The following POLQ variants were observed in gnomAD, a reference collection of about 807,000 sequenced individuals.
POLQ encodes the protein DNA polymerase theta.
Under a neutral mutation model 259.2 loss-of-function variants are expected in POLQ, and 233 were observed. The observed-to-expected ratio is 0.90, with a 90% CI of 0.81 to 1.00. The LOEUF (loss-of-function observed/expected upper bound fraction) is 1.00. Among genes scored for constraint, POLQ ranks in the 50% least tolerant of loss-of-function variants. The pLI is 0.00. For synonymous variants in POLQ, 1,025 were observed against 1,048.8 expected, an observed-to-expected ratio of 0.98 and a Z score of 0.44; for missense variants, 2,871 against 3,051.6, an observed-to-expected ratio of 0.94 and a Z score of 1.39.
chr3:121,487,541 C>T lies in POLQ; in HGVS notation c.5390G>A (p.Ser1797Asn). ...TGAAAAGCTTGTGTCACTAATAGGG[C>T]TGTTGTCTTTGAACCCATTTCTACT... ...PGSRNGFKDN[S>N]PISDTSFSLQ... The change falls in exon 16 of 30, where the codon AGC becomes AAC. Residue 1797 changes from serine (S) to asparagine (N), a missense_variant. By Grantham distance (46) the Ser-to-Asn change is conservative. Coordinates refer to ENST00000264233, the MANE Select transcript of POLQ (RefSeq NM_199420.4). 1 of 1,613,988 alleles carries T rather than the reference C, an allele frequency of 6.2e-7. No homozygotes were observed. Among genetic ancestry groups the T allele is most frequent in the Non-Finnish European group, 8.5e-7 (1 of 1,179,892 alleles).
chr3:121,492,083 T>C (rs1289175435), intron 15 of POLQ, among the ~76,000 whole-genome samples: 1 of 148,592 alleles, frequency 6.7e-6, no homozygotes, highest in Non-Finnish European at 1.5e-5. Context: ...GGGCAAGAGA[T>C]ATGCAAGAGC....
At chr3:121,479,715 A>G (rs534906756) in intron 19 of POLQ, among the ~76,000 whole-genome samples, 1 of 152,236 alleles carries the variant, frequency 6.6e-6, no homozygotes, top group South Asian at 2.1e-4. Context: ...AGCCTCCCAG[A>G]GTGCTAGGAT....
Position 121,436,141 on chromosome 3 carries a change from C to T in POLQ, c.7524G>A (p.Met2508Ile). Residue 2508 changes from methionine (M) to isoleucine (I), a missense_variant, in exon 28 of 30, where the codon ATG becomes ATA. By Grantham distance (10) the Met-to-Ile change is conservative. This residue lies in a region of POLQ where 2,080 missense variants were observed against 2,126.0 expected (regional missense o/e 0.98). Coordinates refer to ENST00000264233, the MANE Select transcript of POLQ (RefSeq NM_199420.4). ...TFKSHGHREG[M>I]LQSDQTGLSR... ...ACAAACCTGTTTGGTCACTTTGGAG[C>T]ATACCCTCTCGATGACCATGGGATT... 1.6e-5 allele frequency: 26 copies of T among 1,613,734 alleles called. No individual in the cohort carries two copies. The highest frequency in any genetic ancestry group is 2.2e-5 in the Non-Finnish European group (26 of 1,179,652).
rs749294068 is a variant in POLQ at position 121,489,410 on chromosome 3, T to C, written c.3521A>G (p.Gln1174Arg). The change falls in exon 16 of 30, where the codon CAA (glutamine) becomes CGA (arginine). Residue 1174 changes from glutamine to arginine, a missense_variant. By Grantham distance (43) the Gln-to-Arg change is conservative. Around this residue, in one of 3 missense-constraint regions of POLQ, gnomAD observed 2,080 missense variants for 2,126.0 expected, o/e 0.98. Coordinates refer to ENST00000264233, the MANE Select transcript of POLQ (RefSeq NM_199420.4). Reference sequence around the variant, plus strand: ...AACATTCTGGTTTTTTGAACCATTTTGTATCAGCACTTCATTTATTTTTTC... The same window carrying C: ...AACATTCTGGTTTTTTGAACCATTTCGTATCAGCACTTCATTTATTTTTTC... ...EAEKINEVLI[Q>R]NGSKNQNVYM... The C allele has an allele frequency of 5.0e-6, 8 of 1,613,928 alleles. No individual in the cohort carries two copies. Among genetic ancestry groups the C allele is most frequent in the Non-Finnish European group, 5.9e-6 (7 of 1,180,020 alleles).
In POLQ at chr3:121,496,792, C is replaced by T; in HGVS notation, c.2278+16G>A. On this transcript the variant is annotated intron_variant, in intron 14 of 29. Coordinates refer to ENST00000264233, the MANE Select transcript of POLQ (RefSeq NM_199420.4). ...TCACAGTATTAAATAAATGTGAAAC[C>T]CTTTGTTTAACTGACCTGCATAAAC... 6.3e-7 allele frequency: 1 copy of T among 1,595,804 alleles called. No homozygotes were observed. Among genetic ancestry groups the T allele is most frequent in the South Asian group, 1.2e-5 (1 of 86,790 alleles).
At chr3:121,457,365 A>G (rs1030705276) in intron 25 of POLQ, among the ~76,000 whole-genome samples, 17 of 152,334 alleles carry the variant, frequency 1.1e-4, no homozygotes, top group African/African-American at 3.6e-4. Context: ...AATGGCAACA[A>G]AAGCCAAAAT....
chr3:121,545,133 C>T (rs372049912), intron 1 of POLQ, among the ~76,000 whole-genome samples: 1 of 152,018 alleles, frequency 6.6e-6, no homozygotes, highest in South Asian at 2.1e-4. Flanking sequence ...AACAAAAAAG[C>T]GTGCAATACA....
chr3:121,449,253 A>C (rs2047653794), intron 26 of POLQ, 62 bp downstream of exon 26: 1 of 873,112 alleles, frequency 1.1e-6, no homozygotes, highest in South Asian at 1.7e-5. Flanking sequence ...CCATTACACA[A>C]ATTTTTAAAA....
intron 26 of POLQ, among the ~76,000 whole-genome samples, chr3:121,443,310 AGAT>A (rs1275168459): frequency 2.0e-5 from 3 of 152,202 alleles, no homozygotes; most frequent in African/African-American, 7.2e-5. Flanking sequence ...AACTGGTGTG[AGAT>A]GATATCACAT....
Position 121,545,955 on chromosome 3 carries a change from A to G in POLQ, c.-78T>C. 6.6e-7 allele frequency: 1 copy of G among 1,504,600 alleles called. No homozygotes were observed. The highest frequency in any genetic ancestry group is 1.2e-5 in the South Asian group (1 of 85,196). The allele number at this position is 1,504,600 out of a possible 1,614,324, so 93.2% of individuals were successfully genotyped here. ...CTCGGGAGAACCCTGGCCTGGCAAC[A>G]GCTGCGGACATCTTCCCGCCAGTCT... On this transcript the variant is annotated 5_prime_UTR_variant, in exon 1 of 30. Coordinates refer to ENST00000264233, the MANE Select transcript of POLQ (RefSeq NM_199420.4).
At chr3:121,486,135 AAGTTCTACT>A in intron 16 of POLQ, among the ~76,000 whole-genome samples, 2 of 152,356 alleles carry the variant, frequency 1.3e-5, no homozygotes, top group South Asian at 4.1e-4. Flanking sequence ...ATGGAGGTCT[AAGTTCTACT>A]CAAGATAAAT....
Position 121,487,656 on chromosome 3 carries a change from G to A in POLQ, c.5275C>T (p.Pro1759Ser), listed in dbSNP as rs533182696. The change falls in exon 16 of 30, where the codon CCT (proline) becomes TCT (serine). Residue 1759 changes from proline (P) to serine (S), a missense_variant. By Grantham distance (74) the Pro-to-Ser change is moderately conservative. This residue lies in a region of POLQ where 2,080 missense variants were observed against 2,126.0 expected (regional missense o/e 0.98). Coordinates refer to ENST00000264233, the MANE Select transcript of POLQ (RefSeq NM_199420.4). ...FPGILETPVNPWKTNNVLQPG... is the reference protein window; with the variant it reads ...FPGILETPVNSWKTNNVLQPG... ...TGTAAAACATTATTAGTTTTCCAAG[G>A]GTTTACAGGTGTTTCAAGAATCCCT... 83 of 1,613,694 alleles carry A rather than the reference G, an allele frequency of 5.1e-5. No homozygotes were observed. The highest frequency in any genetic ancestry group is 2.4e-4 in the African/African-American group (18 of 75,010).
intron 25 of POLQ, among the ~76,000 whole-genome samples, chr3:121,454,341 CA>C (rs911707134): frequency 5.9e-5 from 9 of 152,172 alleles, no homozygotes; most frequent in African/African-American, 2.2e-4. Flanking sequence ...GCAAAATAAC[CA>C]GTTAACATCA....
At chr3:121,498,328 G>A (rs79766508) in intron 13 of POLQ, 149 bp downstream of exon 13, 3 of 501,730 alleles carry the variant, frequency 6.0e-6, no homozygotes, top group South Asian at 9.1e-5. Context: ...AAAAAAAAAA[G>A]AAAATGAAAA....
intron 4 of POLQ, 147 bp from the exon 5 acceptor site, chr3:121,537,355 G>A (rs758169614): frequency 1.8e-5 from 11 of 620,364 alleles, no homozygotes; most frequent in Non-Finnish European, 2.9e-5. Flanking sequence ...TGTTACCTGG[G>A]TATATTGTGT....
chr3:121,527,487 T>C (rs1415604515), intron 7 of POLQ, among the ~76,000 whole-genome samples: 1 of 152,192 alleles, frequency 6.6e-6, no homozygotes. Context: ...ATAAGCCACC[T>C]CACCCAGCAG....
chr3:121,457,559 CA>C (rs1376306771), intron 25 of POLQ, among the ~76,000 whole-genome samples: 5 of 152,290 alleles, frequency 3.3e-5, no homozygotes, highest in African/African-American at 1.2e-4. Context: ...ACAACCCCAT[CA>C]AAAAGTTGGC....
At chr3:121,432,781 A>C (rs1424627468) in intron 29 of POLQ, 137 bp downstream of exon 29, 1 of 639,442 alleles carries the variant, frequency 1.6e-6, no homozygotes, top group African/African-American at 1.8e-5. Flanking sequence ...TTCTACCTGT[A>C]AGGACTCAAT....
chr3:121,485,301 A>C (rs2048002774), intron 16 of POLQ, 117 bp from the exon 17 acceptor site: 2 of 619,254 alleles, frequency 3.2e-6, no homozygotes, highest in Admixed American at 3.5e-5. Context: ...CCAGATCTTA[A>C]AATATGCATT....
Sources: gnomAD v4.1 joint callset for allele counts (sites outside exome capture counted in the v4.1 genomes callset) on GRCh38, gnomAD v4.1.1 for gene constraint, gnomAD v4.1.1 regional missense constraint, MANE v1.5 for transcripts, NCBI Gene and HGNC (gene_info 2026-07-23, HGNC 2026-07-21) for gene names.